The following ST3GAL2 variants were observed in gnomAD, a reference collection of about 807,000 sequenced individuals.
ST3GAL2 encodes ST3 beta-galactoside alpha-2,3-sialyltransferase 2, also known as CMP-N-acetylneuraminate-beta-galactosamide-alpha-2,3-sialyltransferase 2.
ST3GAL2 carries 16 observed loss-of-function variants against 37.5 expected under a neutral mutation model. That is an observed-to-expected ratio of 0.43 (90% confidence interval 0.29 to 0.65). The LOEUF (loss-of-function observed/expected upper bound fraction) is 0.65. Ranked by LOEUF, ST3GAL2 falls within the 30% of genes least tolerant of loss-of-function variation. The pLI is 0.17. For missense variants in ST3GAL2, 383 were observed against 487.8 expected (o/e 0.79, Z 2.02); for synonymous variants, 238 against 202.9 (o/e 1.17, Z -1.47).
At chr16:70,418,943 C>G (rs972617862) in intron 1 of ST3GAL2, among the ~76,000 whole-genome samples, 5 of 152,196 alleles carry the variant, frequency 3.3e-5, no homozygotes, top group Admixed American at 2.0e-4. Context: ...GGGCACACAG[C>G]AGGAAGAGGA....
intron 1 of ST3GAL2, among the ~76,000 whole-genome samples, chr16:70,420,010 G>GA (rs1555561053): frequency 3.4e-5 from 3 of 89,284 alleles, no homozygotes; most frequent in South Asian, 3.1e-4. Flanking sequence ...CTGACCATTT[G>GA]ACCCCCCCCT....
chr16:70,379,055 T>TG lies in ST3GAL2; in HGVS notation c.*2633dup, dbSNP rs768155927. 1 of 152,250 alleles carries TG rather than the reference T, an allele frequency of 6.6e-6. No homozygotes were observed. The highest frequency in any genetic ancestry group is 1.5e-5 in the Non-Finnish European group (1 of 68,106). The allele number at this position is 152,250 out of a possible 1,614,324, so 9.4% of individuals were successfully genotyped here. A position where few individuals can be genotyped will look rare whatever the true frequency, so the allele number is the denominator to read the frequency against. On this transcript the variant is annotated 3_prime_UTR_variant, in exon 7 of 7. Transcript: ENST00000342907. ...GGGTTGCCTGTGGCATGGTGGAAAT[T>TG]GGGCTGTGGAGGCAGGGCTGTGCCA...
At chr16:70,405,202 C>T (rs9934440) in intron 1 of ST3GAL2, among the ~76,000 whole-genome samples, 87,105 of 152,052 alleles carry the variant, frequency 0.57, 26,175 homozygotes, top group African/African-American at 0.77. Context: ...CAAGTTCTGG[C>T]ACTGCTACAG....
chr16:70,398,553 T>G lies in ST3GAL2; in HGVS notation c.-23A>C, dbSNP rs1413963815. 1 of 1,558,298 alleles carries G rather than the reference T, an allele frequency of 6.4e-7. No individual in the cohort carries two copies. Among genetic ancestry groups the G allele is most frequent in the Non-Finnish European group, 8.7e-7 (1 of 1,154,422 alleles). Reference sequence around the variant, plus strand: ...CATGGTGCCGGCAGGCGGGTGACGGTCACCGTGGCCACTCTTTTCCCAGCC... The same window carrying G: ...CATGGTGCCGGCAGGCGGGTGACGGGCACCGTGGCCACTCTTTTCCCAGCC... On this transcript the variant is annotated 5_prime_UTR_variant, in exon 2 of 7. It removes the in-frame stop codon of an upstream open reading frame in the 5' UTR. Transcript: ENST00000342907.
intron 1 of ST3GAL2, among the ~76,000 whole-genome samples, chr16:70,418,927 G>A (rs578240431): frequency 3.9e-5 from 6 of 152,120 alleles, no homozygotes; most frequent in Non-Finnish European, 8.8e-5. Context: ...GAACAACCCC[G>A]AGCAAGGGCA....
chr16:70,384,060 G>T (rs2047424775), intron 4 of ST3GAL2, among the ~76,000 whole-genome samples: 1 of 151,994 alleles, frequency 6.6e-6, no homozygotes, highest in Non-Finnish European at 1.5e-5. Context: ...GCCCTTCTCT[G>T]AGTGTCTATG....
At chr16:70,400,996 G>A (rs910761668) in intron 1 of ST3GAL2, 1 of 152,330 alleles carries the variant, frequency 6.6e-6, no homozygotes, top group African/African-American at 2.4e-5. Context: ...GGGAAGCCAG[G>A]TCCTTGTCTC....
rs1390484387 is a variant in ST3GAL2 at position 70,381,572 on chromosome 16, G to T, written c.*117C>A. 3.1e-6 allele frequency: 4 copies of T among 1,272,174 alleles called. No individual in the cohort carries two copies. Among genetic ancestry groups the T allele is most frequent in the Non-Finnish European group, 4.3e-6 (4 of 940,988 alleles). The allele number at this position is 1,272,174 out of a possible 1,614,324, so 78.8% of individuals were successfully genotyped here. On this transcript the variant is annotated 3_prime_UTR_variant, in exon 7 of 7. Transcript: ENST00000342907. ...GGTCCCCCAGTCTCGTGATTGGCGG[G>T]GCACAGCAGACGCCCCTGGGCTGCA... is the stretch of plus-strand genomic sequence containing the variant.
chr16:70,404,365 C>T (rs550060741), intron 1 of ST3GAL2, among the ~76,000 whole-genome samples: 1 of 152,178 alleles, frequency 6.6e-6, no homozygotes, highest in African/African-American at 2.4e-5. Context: ...GGACTGAGAA[C>T]TGACCACTGG....
intron 1 of ST3GAL2, among the ~76,000 whole-genome samples, chr16:70,437,434 T>C (rs761843815): frequency 6.6e-6 from 1 of 151,890 alleles, no homozygotes; most frequent in East Asian, 1.9e-4. Context: ...CTGTCCCTCC[T>C]TTCCTCCACC....
intron 1 of ST3GAL2, among the ~76,000 whole-genome samples, chr16:70,412,073 T>C (rs112436228): frequency 2.0e-5 from 3 of 152,202 alleles, no homozygotes; most frequent in African/African-American, 7.2e-5. Flanking sequence ...ACCAACAACC[T>C]GCTCTTTCTT....
At chr16:70,410,158 C>T (rs749774421) in intron 1 of ST3GAL2, among the ~76,000 whole-genome samples, 2 of 142,006 alleles carry the variant, frequency 1.4e-5, no homozygotes, top group Non-Finnish European at 3.0e-5. Flanking sequence ...ATGTTACTAT[C>T]TTATTCAGTA....
intron 1 of ST3GAL2, among the ~76,000 whole-genome samples, chr16:70,431,395 G>T (rs1055898131): frequency 6.6e-6 from 1 of 152,244 alleles, no homozygotes. Context: ...AGACAGAGCA[G>T]GTCCTTGGGT....
chr16:70,403,705 C>G (rs1034165481), intron 1 of ST3GAL2, among the ~76,000 whole-genome samples: 1 of 152,004 alleles, frequency 6.6e-6, no homozygotes, highest in Non-Finnish European at 1.5e-5. Context: ...CCCAGCTACT[C>G]GGGAGGCTGA....
At chr16:70,386,695 G>C (rs951175644) in intron 4 of ST3GAL2, among the ~76,000 whole-genome samples, 1 of 152,084 alleles carries the variant, frequency 6.6e-6, no homozygotes, top group Admixed American at 6.5e-5. Flanking sequence ...GCCCAGGCTA[G>C]AGTGCAATGG....
chr16:70,426,313 C>A (rs544821383), intron 1 of ST3GAL2, among the ~76,000 whole-genome samples: 1 of 150,894 alleles, frequency 6.6e-6, no homozygotes, highest in South Asian at 2.1e-4. Flanking sequence ...CCTGCCTCAG[C>A]CTCCCGAGTA....
chr16:70,381,590 G>A lies in ST3GAL2; in HGVS notation c.*99C>T. 6.9e-7 allele frequency: 1 copy of A among 1,443,008 alleles called. No homozygotes were observed. The highest frequency in any genetic ancestry group is 9.3e-7 in the Non-Finnish European group (1 of 1,074,130). 89.4% of individuals were successfully genotyped at this position (1,443,008 alleles called of 1,614,324 possible). On this transcript the variant is annotated 3_prime_UTR_variant, in exon 7 of 7. Transcript: ENST00000342907. ...TTGGCGGGGCACAGCAGACGCCCCT[G>A]GGCTGCAGCATGATTGGTCGCGGGT...
At chr16:70,422,013 G>A (rs775213033) in intron 1 of ST3GAL2, among the ~76,000 whole-genome samples, 6 of 152,074 alleles carry the variant, frequency 3.9e-5, no homozygotes, top group Admixed American at 2.6e-4. Flanking sequence ...CAATCCTCCC[G>A]TCTCAGCCCC....
chr16:70,378,156 G>A lies in ST3GAL2; in HGVS notation c.*3533C>T, dbSNP rs1171750851. 2.6e-5 allele frequency: 4 copies of A among 152,098 alleles called. No individual in the cohort carries two copies. The highest frequency in any genetic ancestry group is 4.1e-4 in the South Asian group (2 of 4,824). 9.4% of individuals were successfully genotyped at this position (152,098 alleles called of 1,614,324 possible). On this transcript the variant is annotated 3_prime_UTR_variant, in exon 7 of 7. Transcript: ENST00000342907. ...GTTTTAAAAATCTATTATGGGCTGG[G>A]TGTGGTCAAACATTGGGAGGCCAAA... is the stretch of plus-strand genomic sequence containing the variant.
Sources: allele counts gnomAD v4.1 joint callset (sites outside exome capture counted in the v4.1 genomes callset), GRCh38; gene constraint gnomAD v4.1.1; transcripts MANE v1.5; gene names NCBI Gene and HGNC (gene_info 2026-07-23, HGNC 2026-07-21).